CDYL2: variants seen among roughly 807,000 people sequenced by gnomAD.
CDYL2 encodes the protein chromodomain Y-like protein 2.
In CDYL2, 23 loss-of-function variants were observed where a neutral mutation model predicts 49.4. The observed-to-expected ratio is 0.47, with a 90% confidence interval of 0.34 to 0.66. The LOEUF is 0.66. Ranked by LOEUF, CDYL2 falls within the 30% of genes least tolerant of loss-of-function variation. CDYL2 has a pLI of 0.01. For synonymous variants in CDYL2, 360 were observed against 268.8 expected, an observed-to-expected ratio of 1.34 and a Z score of -3.32; for missense variants, 678 against 656.4, an observed-to-expected ratio of 1.03 and a Z score of -0.36.
chr16:80,787,299 C>T (rs972134124), intron 1 of CDYL2, among the ~76,000 whole-genome samples: 3 of 152,122 alleles, frequency 2.0e-5, no homozygotes, highest in African/African-American at 7.2e-5. Context: ...TTCATTGTTC[C>T]TCAGGTAGAA....
intron 1 of CDYL2, among the ~76,000 whole-genome samples, chr16:80,688,651 C>G (rs1244893324): frequency 1.3e-5 from 2 of 152,160 alleles, no homozygotes; most frequent in Non-Finnish European, 2.9e-5. Flanking sequence ...CCCAAATACC[C>G]CAGCATACTT....
intron 4 of CDYL2, among the ~76,000 whole-genome samples, chr16:80,615,173 A>G (rs1906774307): frequency 6.6e-6 from 1 of 152,202 alleles, no homozygotes; most frequent in Non-Finnish European, 1.5e-5. Context: ...TTCTGGCTCC[A>G]TGACTTCTGA....
chr16:80,770,422 T>C (rs1019174681), intron 1 of CDYL2, among the ~76,000 whole-genome samples: 1 of 152,162 alleles, frequency 6.6e-6, no homozygotes, highest in Non-Finnish European at 1.5e-5. Context: ...AAAGAAATAA[T>C]GTGCAACAAA....
chr16:80,785,301 G>C (rs1003775896), intron 1 of CDYL2, among the ~76,000 whole-genome samples: 1 of 152,136 alleles, frequency 6.6e-6, no homozygotes, highest in Non-Finnish European at 1.5e-5. Flanking sequence ...AAAATCACAA[G>C]TATTTCTACA....
At chr16:80,659,394 T>C (rs983300849) in intron 2 of CDYL2, among the ~76,000 whole-genome samples, 1 of 152,082 alleles carries the variant, frequency 6.6e-6, no homozygotes, top group South Asian at 2.1e-4. Flanking sequence ...ATTGCGGTAA[T>C]AGCAAAAAAA....
chr16:80,623,279 ATCTTGGGTGT>A (rs1907163160), intron 3 of CDYL2, among the ~76,000 whole-genome samples: 1 of 152,180 alleles, frequency 6.6e-6, no homozygotes, highest in Non-Finnish European at 1.5e-5. Context: ...ACCCCACAGT[ATCTTGGGTGT>A]TCTGGGGTGA....
At chr16:80,666,831 T>C (rs1909284693) in intron 2 of CDYL2, among the ~76,000 whole-genome samples, 1 of 152,288 alleles carries the variant, frequency 6.6e-6, no homozygotes. Context: ...CCTTAAGTCC[T>C]CTCTTTCATC....
chr16:80,626,487 G>C (rs28439236), intron 3 of CDYL2, among the ~76,000 whole-genome samples: 1 of 151,982 alleles, frequency 6.6e-6, no homozygotes, highest in African/African-American at 2.4e-5. Context: ...AAGTGGTGGA[G>C]GTAGTTACTC....
chr16:80,695,663 C>A (rs966847715), intron 1 of CDYL2, among the ~76,000 whole-genome samples: 1 of 152,022 alleles, frequency 6.6e-6, no homozygotes, highest in African/African-American at 2.4e-5. Flanking sequence ...TAAAGGAGGT[C>A]ATTATATAAT....
intron 2 of CDYL2, among the ~76,000 whole-genome samples, chr16:80,653,004 A>G (rs1908650189): frequency 6.6e-6 from 1 of 152,240 alleles, no homozygotes; most frequent in Non-Finnish European, 1.5e-5. Context: ...AAACCTAAAT[A>G]AAGTATGAAC....
intron 1 of CDYL2, among the ~76,000 whole-genome samples, chr16:80,700,059 C>T (rs1016764274): frequency 1.8e-4 from 28 of 152,124 alleles, no homozygotes; most frequent in African/African-American, 6.8e-4. Context: ...CGGGGTTTCA[C>T]CATGTTAGCC....
chr16:80,787,001 T>C (rs1041563856), intron 1 of CDYL2, among the ~76,000 whole-genome samples: 1 of 151,928 alleles, frequency 6.6e-6, no homozygotes, highest in African/African-American at 2.4e-5. Flanking sequence ...CAAACCACCA[T>C]GGCACGTGCA....
intron 1 of CDYL2, among the ~76,000 whole-genome samples, chr16:80,791,026 G>A (rs999149800): frequency 5.9e-5 from 9 of 152,186 alleles, no homozygotes; most frequent in East Asian, 1.9e-4. Context: ...ACTTTTCATC[G>A]CCTGTTAGAG....
At chr16:80,610,279 C>T (rs1906536981) in intron 5 of CDYL2, among the ~76,000 whole-genome samples, 1 of 152,272 alleles carries the variant, frequency 6.6e-6, no homozygotes. Flanking sequence ...AGTGTAAAAG[C>T]ACCTGCCCTT....
intron 2 of CDYL2, among the ~76,000 whole-genome samples, chr16:80,679,158 T>C (rs899431155): frequency 2.0e-5 from 3 of 151,384 alleles, no homozygotes. Flanking sequence ...ATATACCTAA[T>C]GCTAGATGAC....
chr16:80,721,809 A>T (rs1905007711), intron 1 of CDYL2, among the ~76,000 whole-genome samples: 1 of 152,146 alleles, frequency 6.6e-6, no homozygotes. Flanking sequence ...CCCGGTGACC[A>T]TCCCCATCCT....
intron 2 of CDYL2, among the ~76,000 whole-genome samples, chr16:80,673,831 G>C (rs1472629111): frequency 6.6e-6 from 1 of 152,230 alleles, no homozygotes; most frequent in Non-Finnish European, 1.5e-5. Context: ...TATTATCTTG[G>C]TTGGTTCAGT....
chr16:80,683,563 G>A (rs951703795), intron 2 of CDYL2, among the ~76,000 whole-genome samples: 6 of 99,756 alleles, frequency 6.0e-5, no homozygotes, highest in East Asian at 4.4e-4. Context: ...GCTGCCAATC[G>A]AAAGAATTAG....
chr16:80,738,373 T>C (rs1448928607), intron 1 of CDYL2, among the ~76,000 whole-genome samples: 3 of 151,998 alleles, frequency 2.0e-5, no homozygotes, highest in African/African-American at 7.2e-5. Context: ...ATTCCTTGGG[T>C]ATATACCCAG....
Sources: gnomAD v4.1 joint callset for allele counts (sites outside exome capture counted in the v4.1 genomes callset) on GRCh38, gnomAD v4.1.1 for gene constraint, MANE v1.5 for transcripts, NCBI Gene and HGNC (gene_info 2026-07-23, HGNC 2026-07-21) for gene names.